The following KIF11 variants were observed in gnomAD, a reference collection of about 807,000 sequenced individuals.
KIF11 encodes kinesin-like protein KIF11.
In KIF11, 9 loss-of-function variants were observed where a neutral mutation model predicts 121.0. That is an observed-to-expected ratio of 0.07 (90% CI 0.04 to 0.13). The LOEUF (loss-of-function observed/expected upper bound fraction) is 0.13, where lower values mean the gene tolerates loss of function less well. Among genes scored for constraint, KIF11 ranks in the 10% least tolerant of loss-of-function variants. The pLI is 1.00. For missense variants in KIF11, 846 were observed against 1,217.5 expected (o/e 0.69, Z 4.54); for synonymous variants, 408 against 421.0 (o/e 0.97, Z 0.38).
intron 10 of KIF11, among the ~76,000 whole-genome samples, chr10:92,628,441 TATA>T (rs1844701658): frequency 6.6e-6 from 1 of 152,190 alleles, no homozygotes; most frequent in Non-Finnish European, 1.5e-5. Context: ...TATCCCTGAT[TATA>T]GACACTTAGG....
intron 1 of KIF11, among the ~76,000 whole-genome samples, chr10:92,597,677 A>G (rs1004314201): frequency 6.6e-6 from 1 of 151,318 alleles, no homozygotes; most frequent in Admixed American, 6.6e-5. Flanking sequence ...TTGAGACGGA[A>G]TTTTGCTCTC....
chr10:92,609,896 C>A (rs961122113), intron 6 of KIF11, among the ~76,000 whole-genome samples: 5 of 152,030 alleles, frequency 3.3e-5, no homozygotes, highest in Non-Finnish European at 1.5e-5. Flanking sequence ...GCCACTACGC[C>A]CAGCTAATTT....
At chr10:92,605,711 C>T (rs1471719595) in intron 1 of KIF11, among the ~76,000 whole-genome samples, 2 of 152,094 alleles carry the variant, frequency 1.3e-5, no homozygotes, top group African/African-American at 4.8e-5. Flanking sequence ...GTCTCGAACT[C>T]CCGACCTCAG....
chr10:92,644,844 A>G (rs909829300), intron 17 of KIF11, among the ~76,000 whole-genome samples: 1 of 152,238 alleles, frequency 6.6e-6, no homozygotes, highest in African/African-American at 2.4e-5. Context: ...TTAATATTAT[A>G]TCAAGTTTAT....
At chr10:92,619,672 T>C (rs571278027) in intron 9 of KIF11, among the ~76,000 whole-genome samples, 1 of 152,244 alleles carries the variant, frequency 6.6e-6, no homozygotes, top group East Asian at 1.9e-4. Context: ...TTAGTCATTC[T>C]GATAGGTGTG....
chr10:92,617,166 T>G (rs1349274272), intron 9 of KIF11, among the ~76,000 whole-genome samples: 2 of 152,218 alleles, frequency 1.3e-5, no homozygotes, highest in African/African-American at 4.8e-5. Context: ...TATAGTGCAT[T>G]TACAGAGTTG....
chr10:92,621,267 CTTCT>C (rs1323798263), intron 9 of KIF11, 114 bp from the exon 10 acceptor site: 5 of 520,234 alleles, frequency 9.6e-6, no homozygotes, highest in African/African-American at 5.9e-5. Context: ...TTTTATCATA[CTTCT>C]TTAAGTTTTA....
At chr10:92,605,845 C>T (rs1269660316) in intron 1 of KIF11, among the ~76,000 whole-genome samples, 1 of 149,308 alleles carries the variant, frequency 6.7e-6, no homozygotes, top group Admixed American at 6.7e-5. Context: ...GGCATTTTTA[C>T]AAGTTAAAAC....
intron 19 of KIF11, among the ~76,000 whole-genome samples, chr10:92,649,397 C>G (rs1186422384): frequency 6.6e-6 from 1 of 152,048 alleles, no homozygotes; most frequent in Non-Finnish European, 1.5e-5. Context: ...CCCAGGGGTT[C>G]AAGACCAGCC....
In KIF11 at chr10:92,645,497, C is replaced by T; in HGVS notation, c.2402C>T (p.Ser801Phe). The T allele has an allele frequency of 1.2e-6, 2 of 1,614,056 alleles. No individual in the cohort carries two copies. Among genetic ancestry groups the T allele is most frequent in the Non-Finnish European group, 1.7e-6 (2 of 1,179,964 alleles). Residue 801 changes from serine (S) to phenylalanine (F), a missense_variant, in exon 18 of 22, where the codon TCT becomes TTT. Physicochemically the swap from Ser to Phe is radical, Grantham distance 155 (BLOSUM62 -2). This residue lies in a region of KIF11 where 492 missense variants were observed against 603.4 expected (regional missense o/e 0.82). Coordinates refer to ENST00000260731, the MANE Select transcript of KIF11 (RefSeq NM_004523.4). ...TTGGTTGAAGAATCTGTGAAACACT[C>T]TGATAAACTCAATGGCAACCTGGAA... ...TKLVEESVKHSDKLNGNLEKI... is the reference protein window; with the variant it reads ...TKLVEESVKHFDKLNGNLEKI...
intron 4 of KIF11, 119 bp downstream of exon 4, chr10:92,607,356 T>A: frequency 1.6e-6 from 1 of 614,570 alleles, no homozygotes; most frequent in Non-Finnish European, 2.9e-6. Context: ...AAAATGAACT[T>A]AGGATAAACC....
At chr10:92,630,722 C>T (rs571947565) in intron 12 of KIF11, among the ~76,000 whole-genome samples, 12 of 151,176 alleles carry the variant, frequency 7.9e-5, no homozygotes, top group Admixed American at 4.0e-4. Flanking sequence ...CAAAATTAGC[C>T]GGGCGTGGTG....
At chr10:92,628,621 A>G (rs1395507466) in intron 10 of KIF11, among the ~76,000 whole-genome samples, 187 bp from the exon 11 acceptor site, 3 of 152,236 alleles carry the variant, frequency 2.0e-5, no homozygotes, top group Non-Finnish European at 4.4e-5. Flanking sequence ...GACAAGGAAT[A>G]TAATTTGTTC....
At chr10:92,646,415 T>C (rs764845021) in intron 18 of KIF11, among the ~76,000 whole-genome samples, 12 of 152,208 alleles carry the variant, frequency 7.9e-5, no homozygotes, top group Admixed American at 2.6e-4. Context: ...TTTCTTTGCA[T>C]TAATAGGATT....
chr10:92,632,503 A>G lies in KIF11; in HGVS notation c.1512A>G (p.Glu504=), dbSNP rs779355311. ...AAATATAGCTGCTTAACACAGTTGA[A>G]GAAACTACAAAAGATGTATCTGGTC... ...DAASKLLNTV[E]ETTKDVSGLH... The change falls in exon 13 of 22, where the codon GAA becomes GAG. Residue 504 remains glutamate, a synonymous_variant. Transcript: ENST00000260731. 2 of 1,610,444 alleles carry G rather than the reference A, an allele frequency of 1.2e-6. No individual in the cohort carries two copies. The highest frequency in any genetic ancestry group is 1.7e-6 in the Non-Finnish European group (2 of 1,176,930).
At chr10:92,597,250 C>A in intron 1 of KIF11, 1 of 239,276 alleles carries the variant, frequency 4.2e-6, no homozygotes, top group South Asian at 6.4e-5. Flanking sequence ...CTGCTGGGGT[C>A]AGTCATCTCC....
At chr10:92,619,180 A>G (rs1314608657) in intron 9 of KIF11, among the ~76,000 whole-genome samples, 1 of 151,838 alleles carries the variant, frequency 6.6e-6, no homozygotes, top group African/African-American at 2.4e-5. Context: ...CCATGTCCAG[A>G]TAATTTTTTG....
chr10:92,625,672 G>A (rs530725695), intron 10 of KIF11, among the ~76,000 whole-genome samples: 1 of 152,088 alleles, frequency 6.6e-6, no homozygotes, highest in East Asian at 1.9e-4. Flanking sequence ...TTTATACTTA[G>A]AAAACCCCAT....
At chr10:92,599,130 ATTAATTACTAATATT>A (rs1844335772) in intron 1 of KIF11, among the ~76,000 whole-genome samples, 1 of 151,862 alleles carries the variant, frequency 6.6e-6, no homozygotes, top group African/African-American at 2.4e-5. Context: ...CCTTGGTTAA[ATTAATTACTAATATT>A]TTATTCTTTT....
Sources: gnomAD v4.1 joint callset for allele counts (sites outside exome capture counted in the v4.1 genomes callset) on GRCh38, gnomAD v4.1.1 for gene constraint, gnomAD v4.1.1 regional missense constraint, MANE v1.5 for transcripts, NCBI Gene and HGNC (gene_info 2026-07-23, HGNC 2026-07-21) for gene names.